The following CACNA1C variants were observed in gnomAD, a reference collection of about 807,000 sequenced individuals.
CACNA1C encodes calcium voltage-gated channel subunit alpha1 C.
CACNA1C carries 30 observed loss-of-function variants against 229.0 expected under a neutral mutation model. The ratio of observed to expected loss-of-function variants is 0.13; its 90% CI spans 0.10 to 0.18. The LOEUF is 0.18. Ranked by LOEUF, CACNA1C falls within the 10% of genes least tolerant of loss-of-function variation. The probability of loss-of-function intolerance (pLI) is 1.00; values close to 1 mark genes in which losing one functional copy is unlikely to be tolerated. For synonymous variants in CACNA1C, 1,114 were observed against 1,132.5 expected, an observed-to-expected ratio of 0.98 and a Z score of 0.33; for missense variants, 1,658 against 2,845.0, an observed-to-expected ratio of 0.58 and a Z score of 9.49.
At chr12:2,179,011 G>A (rs1566175480) in intron 3 of CACNA1C, among the ~76,000 whole-genome samples, 2 of 152,298 alleles carry the variant, frequency 1.3e-5, no homozygotes, top group African/African-American at 4.8e-5. Flanking sequence ...GCAGTGAGCC[G>A]TGATTGCACC....
intron 34 of CACNA1C, among the ~76,000 whole-genome samples, chr12:2,657,462 G>A (rs984574264): frequency 1.3e-5 from 2 of 151,588 alleles, no homozygotes; most frequent in Non-Finnish European, 2.9e-5. Context: ...AAGATTTAAA[G>A]GTCAATCACT....
At chr12:2,194,269 CCTCCTCCTG>C (rs1318376327) in intron 3 of CACNA1C, among the ~76,000 whole-genome samples, 5 of 129,518 alleles carry the variant, frequency 3.9e-5, no homozygotes, top group Non-Finnish European at 6.9e-5. Flanking sequence ...TCCTCCTCCT[CCTCCTCCTG>C]CTCCTATCCC....
chr12:1,995,108 T>C (rs1593288405), intron 1 of CACNA1C, among the ~76,000 whole-genome samples: 1 of 152,094 alleles, frequency 6.6e-6, no homozygotes, highest in East Asian at 1.9e-4. Flanking sequence ...TAATTGAGAG[T>C]TCCATTAGAG....
intron 1 of CACNA1C, among the ~76,000 whole-genome samples, chr12:2,036,099 T>G (rs542324852): frequency 6.6e-6 from 1 of 152,352 alleles, no homozygotes; most frequent in East Asian, 1.9e-4. Context: ...TTCTCAAATG[T>G]CATAGCTTTT....
chr12:2,570,973 G>A (rs187888885), intron 13 of CACNA1C, among the ~76,000 whole-genome samples: 72 of 152,354 alleles, frequency 4.7e-4, no homozygotes, highest in Non-Finnish European at 7.6e-4. Flanking sequence ...TTGGTTTACA[G>A]TGAAAGTGGT....
intron 3 of CACNA1C, among the ~76,000 whole-genome samples, chr12:2,126,446 G>A (rs777324224): frequency 3.9e-5 from 6 of 152,256 alleles, no homozygotes; most frequent in Non-Finnish European, 7.3e-5. Flanking sequence ...CTCATTGTGT[G>A]TGGAAAACTT....
intron 3 of CACNA1C, among the ~76,000 whole-genome samples, chr12:2,426,170 G>C (rs968495756): frequency 5.3e-5 from 8 of 152,122 alleles, no homozygotes; most frequent in Admixed American, 4.6e-4. Context: ...ATCAATCAAT[G>C]AGCAGTACAT....
At chr12:1,997,575 A>G (rs1444885538) in intron 1 of CACNA1C, among the ~76,000 whole-genome samples, 1 of 152,216 alleles carries the variant, frequency 6.6e-6, no homozygotes, top group African/African-American at 2.4e-5. Flanking sequence ...TATTAACTGA[A>G]CAATCTAGTA....
intron 3 of CACNA1C, among the ~76,000 whole-genome samples, chr12:2,211,805 G>T (rs1317296068): frequency 1.4e-5 from 2 of 140,416 alleles, no homozygotes; most frequent in East Asian, 4.7e-4. Flanking sequence ...TGCAACCTCC[G>T]CCTTCCAGGT....
At chr12:2,143,837 T>C (rs982028095) in intron 3 of CACNA1C, among the ~76,000 whole-genome samples, 20 of 151,074 alleles carry the variant, frequency 1.3e-4, no homozygotes, top group African/African-American at 4.8e-4. Flanking sequence ...TGCAGAGCCT[T>C]CCTATGATTT....
chr12:2,331,962 C>G lies in CACNA1C; in HGVS notation c.478-117014C>G, dbSNP rs530763147. 2.6e-4 allele frequency among the ~76,000 whole-genome samples: 40 copies of G among 152,222 alleles called. No individual in the cohort carries two copies. The South Asian group carries it at 7.9e-3, about 30-fold the overall frequency. On this transcript the variant is annotated intron_variant, in intron 3 of 46. Transcript: ENST00000399655. ...TGACTTAGGTTGAATCCTGAACTCC[C>G]TTTTATTAAATTTTTTTTGGTATAA... is the stretch of plus-strand genomic sequence containing the variant.
intron 8 of CACNA1C, among the ~76,000 whole-genome samples, chr12:2,510,896 CT>C (rs1389827352): frequency 6.6e-6 from 1 of 152,200 alleles, no homozygotes; most frequent in Non-Finnish European, 1.5e-5. Flanking sequence ...AGGAGCAAGA[CT>C]AAGGCCCCGA....
At chr12:2,614,723 C>A (rs1239446704) in intron 29 of CACNA1C, 1 of 152,186 alleles carries the variant, frequency 6.6e-6, no homozygotes, top group Non-Finnish European at 1.5e-5. Context: ...TGGCTAGGAA[C>A]CAAGGATGTT....
chr12:2,642,644 G>A (rs913362584), intron 30 of CACNA1C, among the ~76,000 whole-genome samples: 14 of 152,228 alleles, frequency 9.2e-5, no homozygotes, highest in African/African-American at 2.9e-4. Context: ...TCTCTGCCCC[G>A]CCCTGCCTCA....
chr12:2,332,932 C>A (rs537952953), intron 3 of CACNA1C, among the ~76,000 whole-genome samples: 2 of 152,008 alleles, frequency 1.3e-5, no homozygotes, highest in Non-Finnish European at 2.9e-5. Flanking sequence ...AAGGAAGTAT[C>A]CTAAAGGCAG....
intron 3 of CACNA1C, among the ~76,000 whole-genome samples, chr12:2,224,885 T>G (rs1380413054): frequency 6.6e-6 from 1 of 152,208 alleles, no homozygotes; most frequent in Non-Finnish European, 1.5e-5. Flanking sequence ...GAGACGGTTA[T>G]GTACCTTAGC....
intron 5 of CACNA1C, among the ~76,000 whole-genome samples, chr12:2,483,164 C>T (rs982956708): frequency 1.3e-5 from 2 of 152,162 alleles, no homozygotes; most frequent in African/African-American, 2.4e-5. Flanking sequence ...GAGCCGCGTG[C>T]GCTGGGATTG....
At chr12:2,114,717 G>C (rs2299660) in intron 1 of CACNA1C, among the ~76,000 whole-genome samples, 98,005 of 152,020 alleles carry the variant, frequency 0.64, 32,087 homozygotes, top group East Asian at 0.73. Flanking sequence ...TTCATTGTAC[G>C]TTTTCCATCA....
At chr12:2,424,939 C>T (rs1296322847) in intron 3 of CACNA1C, among the ~76,000 whole-genome samples, 1 of 152,238 alleles carries the variant, frequency 6.6e-6, no homozygotes, top group African/African-American at 2.4e-5. Context: ...AGCTCCTCTG[C>T]ACCTGGAGGA....
Sources: allele counts gnomAD v4.1 joint callset (sites outside exome capture counted in the v4.1 genomes callset), GRCh38; gene constraint gnomAD v4.1.1; transcripts MANE v1.5; gene names NCBI Gene and HGNC (gene_info 2026-07-23, HGNC 2026-07-21).